Variants in DCTN1 observed in about 807,000 individuals in gnomAD.
DCTN1 encodes dynactin subunit 1.
In DCTN1, 61 loss-of-function variants were observed where a neutral mutation model predicts 161.2. The ratio of observed to expected loss-of-function variants is 0.38; its 90% CI spans 0.31 to 0.47. The LOEUF (loss-of-function observed/expected upper bound fraction) is 0.47, where lower values mean the gene tolerates loss of function less well. Ranked by LOEUF, DCTN1 falls within the 20% of genes least tolerant of loss-of-function variation. The pLI is 0.99. For synonymous variants in DCTN1, 653 were observed against 632.4 expected, an observed-to-expected ratio of 1.03 and a Z score of -0.49; for missense variants, 1,404 against 1,623.7, an observed-to-expected ratio of 0.86 and a Z score of 2.33.
At position 74,361,375 on chromosome 2, in the gene DCTN1, G is replaced by T; in HGVS notation, c.*124C>A. The stretch of plus-strand genomic sequence containing the variant: ...AGGACGCTGAAAGGGTGGGAGTGAA[G>T]CTGAACGGGGCAGGAAGAGCTTAAC... On this transcript the variant is annotated 3_prime_UTR_variant, in exon 32 of 32. Transcript: ENST00000628224. 4 of 1,389,736 alleles carry T rather than the reference G, an allele frequency of 2.9e-6. No individual in the cohort carries two copies. Among genetic ancestry groups the T allele is most frequent in the African/African-American group, 1.4e-5 (1 of 70,800 alleles). The allele number at this position is 1,389,736 out of a possible 1,614,324, so 86.1% of individuals were successfully genotyped here.
At position 74,371,479 on chromosome 2, in the gene DCTN1, G is replaced by A. The variant is rs546097641; in HGVS notation, c.645+58C>T. The A allele has an allele frequency of 3.0e-4, 449 of 1,500,340 alleles. 4 individuals are homozygous for A. In the East Asian group the frequency reaches 0.01, roughly 34 times the overall value. The allele number at this position is 1,500,340 out of a possible 1,614,324, so 92.9% of individuals were successfully genotyped here. A position where few individuals can be genotyped will look rare whatever the true frequency, so the allele number is the denominator to read the frequency against. ...CCCCAGGAAATTTTCAAGACACAGC[G>A]GGTAGCCACAAGCCTCTGGGTGTCT... is the stretch of plus-strand genomic sequence containing the variant. On this transcript the variant is annotated intron_variant, in intron 8 of 31. Transcript: ENST00000628224.
chr2:74,363,561 C>T, intron 27 of DCTN1, 53 bp downstream of exon 27: 1 of 1,609,024 alleles, frequency 6.2e-7, no homozygotes, highest in Non-Finnish European at 8.5e-7. Context: ...ACCCTGCTCC[C>T]TTAGCTCCAA....
chr2:74,374,125 G>A, intron 6 of DCTN1, 198 bp downstream of exon 6: 4 of 651,324 alleles, frequency 6.1e-6, no homozygotes, highest in Non-Finnish European at 8.5e-6. Context: ...AGAGCCAAAA[G>A]CAGGCAAGGC....
intron 1 of DCTN1, among the ~76,000 whole-genome samples, chr2:74,388,891 T>C (rs1675865174): frequency 6.6e-6 from 1 of 152,200 alleles, no homozygotes; most frequent in Admixed American, 6.5e-5. Flanking sequence ...TCACCACTTA[T>C]GTGCACATAT....
upstream of DCTN1, among the ~76,000 whole-genome samples, chr2:74,384,370 T>C (rs377134105): frequency 4.6e-5 from 7 of 152,268 alleles, no homozygotes; most frequent in East Asian, 7.7e-4. Flanking sequence ...TCCACAGCAT[T>C]ACCGGGCCCA....
intron 18 of DCTN1, 130 bp downstream of exon 18, chr2:74,367,566 G>C: frequency 1.3e-6 from 2 of 1,494,148 alleles, no homozygotes; most frequent in Non-Finnish European, 1.8e-6. Flanking sequence ...CATATGGAGA[G>C]TTCATCTAAG....
At chr2:74,382,936 G>A (rs1481024143), upstream of DCTN1, among the ~76,000 whole-genome samples, 2 of 151,578 alleles carry the variant, frequency 1.3e-5, no homozygotes, top group African/African-American at 2.4e-5. Flanking sequence ...TTAGCCGGGC[G>A]CGGTGGCGGG....
Position 74,379,997 on chromosome 2 carries a change from C to T in DCTN1, c.33+8G>A. On this transcript the variant is annotated splice_region_variant and intron_variant, in intron 1 of 31. Coordinates refer to ENST00000628224, the MANE Select transcript of DCTN1 (RefSeq NM_004082.5). ...CCTCCAGGGCCATCCCAGATTAGGG[C>T]CACTTACCCGGCTGTACACGTGCCT... 1.2e-6 allele frequency: 2 copies of T among 1,614,084 alleles called. No homozygotes were observed. The highest frequency in any genetic ancestry group is 2.2e-5 in the East Asian group (1 of 44,888).
chr2:74,361,585 A>C lies in DCTN1; in HGVS notation c.3751T>G (p.Ser1251Ala), dbSNP rs766778493. The change falls in exon 32 of 32, where the codon TCA becomes GCA. Residue 1251 changes from serine (S) to alanine (A), a missense_variant. Around this residue, in one of 9 missense-constraint regions of DCTN1, gnomAD observed 311 missense variants for 298.9 expected, o/e 1.04. Coordinates refer to ENST00000628224, the MANE Select transcript of DCTN1 (RefSeq NM_004082.5). ...DTVYMGKVTF[S>A]CAAGFGQRHR... is the part of the protein sequence containing the mutation. ...CGCTGTCCAAAACCAGCCGCACATG[A>C]GAAGGTCACTTTGCCCATGTAGACT... The C allele has an allele frequency of 2.5e-6, 4 of 1,614,140 alleles. No individual in the cohort carries two copies. The highest frequency in any genetic ancestry group is 3.4e-6 in the Non-Finnish European group (4 of 1,180,018).
intron 16 of DCTN1, chr2:74,368,402 C>T (rs1674582229): frequency 3.3e-6 from 2 of 605,558 alleles, no homozygotes; most frequent in South Asian, 2.0e-5. Flanking sequence ...GCCACTCCTG[C>T]TATCTCTCCA....
Position 74,366,027 on chromosome 2 carries a change from T to C in DCTN1, c.2761-9A>G. 6.2e-7 allele frequency: 1 copy of C among 1,614,222 alleles called. No individual in the cohort carries two copies. ...AGTTCAACCGGTGGAGGCTAAGGAA[T>C]GGTCGGTAGGGGGTGAGAAAGTGAG... On this transcript the variant is annotated splice_polypyrimidine_tract_variant and intron_variant, in intron 23 of 31. Coordinates refer to ENST00000628224, the MANE Select transcript of DCTN1 (RefSeq NM_004082.5).
Position 74,377,447 on chromosome 2 carries a change from T to C in DCTN1, c.378A>G (p.Ala126=), listed in dbSNP as rs550520604. 1.1e-5 allele frequency: 17 copies of C among 1,613,758 alleles called. No homozygotes were observed. In the African/African-American group the frequency reaches 1.9e-4, roughly 18 times the overall value. ...VLKREGTDTT[A]KTSKLRGLKP... ...AATCACTCACCAGTTTGCTAGTCTT[T>C]GCAGTTGTATCAGTTCCCTCTGTAG... The change falls in exon 4 of 32, where the codon GCA becomes GCG. Residue 126 remains alanine (A), a synonymous_variant. Transcript: ENST00000628224.
Position 74,366,390 on chromosome 2 carries a change from G to C in DCTN1, c.2629-15C>G. The C allele has an allele frequency of 6.2e-7, 1 of 1,614,136 alleles. No individual in the cohort carries two copies. The highest frequency in any genetic ancestry group is 8.5e-7 in the Non-Finnish European group (1 of 1,180,034). ...GTCCCATAGATCTGCAGGAGCCAAGGGCAGAAGTAAAAGCCCCACACTGGT... is the reference window on the plus strand; with the variant it reads ...GTCCCATAGATCTGCAGGAGCCAAGCGCAGAAGTAAAAGCCCCACACTGGT... On this transcript the variant is annotated splice_polypyrimidine_tract_variant and intron_variant, in intron 22 of 31. Coordinates refer to ENST00000628224, the MANE Select transcript of DCTN1 (RefSeq NM_004082.5).
intron 1 of DCTN1, among the ~76,000 whole-genome samples, chr2:74,390,178 G>A (rs889720068): frequency 2.6e-5 from 4 of 152,104 alleles, no homozygotes; most frequent in Non-Finnish European, 5.9e-5. Context: ...ATTTAAGAAA[G>A]GGATTTCTTA....
intron 5 of DCTN1, among the ~76,000 whole-genome samples, chr2:74,375,448 A>C (rs1675167841): frequency 6.6e-6 from 1 of 152,166 alleles, no homozygotes; most frequent in Non-Finnish European, 1.5e-5. Context: ...CAACTGTCTG[A>C]TTGACACTTT....
chr2:74,374,600 C>G, intron 5 of DCTN1: 1 of 1,268,170 alleles, frequency 7.9e-7, no homozygotes, highest in Non-Finnish European at 1.0e-6. Flanking sequence ...GCTGGATCGC[C>G]AGGCTCCGGC....
chr2:74,366,750 G>A, intron 21 of DCTN1, 33 bp downstream of exon 21: 1 of 1,614,206 alleles, frequency 6.2e-7, no homozygotes, highest in African/African-American at 1.3e-5. Flanking sequence ...TTTCTACTCA[G>A]TTTCCTTCCC....
At chr2:74,388,751 G>A (rs1256072350) in intron 1 of DCTN1, among the ~76,000 whole-genome samples, 2 of 152,168 alleles carry the variant, frequency 1.3e-5, no homozygotes, top group African/African-American at 4.8e-5. Context: ...CTCGGCGTAG[G>A]GCTTTGCAAA....
intron 8 of DCTN1, 63 bp downstream of exon 8, chr2:74,371,474 A>C (rs563660894): frequency 3.6e-5 from 54 of 1,491,314 alleles, no homozygotes; most frequent in South Asian, 7.6e-5. Context: ...TTTTCAAGAC[A>C]CAGCGGGTAG....
Sources: allele counts gnomAD v4.1 joint callset (sites outside exome capture counted in the v4.1 genomes callset), GRCh38; gene constraint gnomAD v4.1.1; regional missense constraint gnomAD v4.1.1; transcripts MANE v1.5; gene names NCBI Gene and HGNC (gene_info 2026-07-23, HGNC 2026-07-21).